The following MCPH1 variants were observed in gnomAD, a reference collection of about 807,000 sequenced individuals.
The protein encoded by MCPH1 is microcephalin 1.
A neutral mutation model predicts 84.5 loss-of-function variants in MCPH1; 104 were observed. The ratio of observed to expected loss-of-function variants is 1.23; its 90% CI spans 1.05 to 1.45. The LOEUF is 1.45. Ranked by LOEUF, MCPH1 falls within the 40% of genes most tolerant of loss-of-function variation. The pLI, the probability that MCPH1 is intolerant of heterozygous loss-of-function variation, is 0.00. For synonymous variants in MCPH1, 514 were observed against 366.8 expected, an observed-to-expected ratio of 1.40 and a Z score of -4.58; for missense variants, 1,498 against 1,005.7, an observed-to-expected ratio of 1.49 and a Z score of -6.62.
At chr8:6,637,998 C>T (rs1797681029) in intron 13 of MCPH1, among the ~76,000 whole-genome samples, 1 of 152,168 alleles carries the variant, frequency 6.6e-6, no homozygotes. Flanking sequence ...CAGAATGAGG[C>T]ATCTAGAAGC....
intron 12 of MCPH1, among the ~76,000 whole-genome samples, chr8:6,517,614 T>C (rs1183969558): frequency 2.0e-5 from 3 of 152,192 alleles, no homozygotes; most frequent in Non-Finnish European, 2.9e-5. Flanking sequence ...TGTCTGGTAG[T>C]CTTTGAAGGC....
At chr8:6,521,002 A>G (rs1397624758) in intron 12 of MCPH1, among the ~76,000 whole-genome samples, 2 of 152,126 alleles carry the variant, frequency 1.3e-5, no homozygotes, top group East Asian at 3.8e-4. Context: ...GCTTCATAAT[A>G]ATTAGTATAA....
At position 6,418,823 on chromosome 8, in the gene MCPH1, G is replaced by A. The variant is rs956580212; in HGVS notation, c.233+3940G>A. Reference sequence around the variant, plus strand: ...TCCTGATCTTCTGACCTCGTGATCTGCCTGCCTCAGCCTCCCAAAGTACTG... The same window carrying A: ...TCCTGATCTTCTGACCTCGTGATCTACCTGCCTCAGCCTCCCAAAGTACTG... On this transcript the variant is annotated intron_variant, in intron 3 of 13. Transcript: ENST00000344683. 2.0e-5 allele frequency among the ~76,000 whole-genome samples: 3 copies of A among 151,954 alleles called. No homozygotes were observed. In the East Asian group the frequency reaches 5.8e-4, roughly 29 times the overall value.
rs137864623 is a variant in MCPH1, at chr8:6,596,515, G to A, written c.2215-24939G>A. On this transcript the variant is annotated intron_variant, in intron 12 of 13. Coordinates refer to ENST00000344683, the MANE Select transcript of MCPH1 (RefSeq NM_024596.5). The stretch of plus-strand genomic sequence containing the variant: ...ACATGGCAGCCAAGGGGACCTGGCC[G>A]CCAGAGCCGTAGGAGATGACCCAGC... 1.7e-4 allele frequency among the ~76,000 whole-genome samples: 26 copies of A among 152,266 alleles called. No individual in the cohort carries two copies. The East Asian group carries it at 2.7e-3, about 16-fold the overall frequency.
intron 13 of MCPH1, among the ~76,000 whole-genome samples, chr8:6,642,113 C>G (rs1257553251): frequency 6.6e-6 from 1 of 152,170 alleles, no homozygotes; most frequent in East Asian, 1.9e-4. Flanking sequence ...AGCTTTCCAC[C>G]TTCCATCACT....
At chr8:6,469,063 G>T (rs1305468619) in intron 9 of MCPH1, among the ~76,000 whole-genome samples, 1 of 151,954 alleles carries the variant, frequency 6.6e-6, no homozygotes, top group African/African-American at 2.4e-5. Context: ...TGGACATGAT[G>T]GTGGCCACCT....
chr8:6,495,642 TAATA>T (rs1188112914), intron 11 of MCPH1, among the ~76,000 whole-genome samples: 1 of 152,198 alleles, frequency 6.6e-6, no homozygotes, highest in Non-Finnish European at 1.5e-5. Flanking sequence ...GTTACGCTTA[TAATA>T]AATAATGTGT....
In MCPH1 at chr8:6,514,686, T is replaced by C. The variant is rs1815892804; in HGVS notation, c.2214+14757T>C. ...TAAAGAATGTCCTTACCACTTTATA[T>C]TCTTTCCAAGTCCTCTGAAAATCAA... is the stretch of plus-strand genomic sequence containing the variant. On this transcript the variant is annotated intron_variant, in intron 12 of 13. Transcript: ENST00000344683. The C allele has an allele frequency of 1.9e-6, 3 of 1,614,058 alleles. No individual in the cohort carries two copies. The African/African-American group carries it at 4.0e-5, about 22-fold the overall frequency.
chr8:6,447,943 C>T (rs1187719473), intron 8 of MCPH1, among the ~76,000 whole-genome samples: 1 of 151,972 alleles, frequency 6.6e-6, no homozygotes, highest in Non-Finnish European at 1.5e-5. Flanking sequence ...CAGATACATT[C>T]CCATTGTAAC....
chr8:6,634,336 G>C (rs187775565), intron 13 of MCPH1, among the ~76,000 whole-genome samples: 6 of 152,324 alleles, frequency 3.9e-5, no homozygotes, highest in African/African-American at 1.2e-4. Context: ...ACTCATTGAC[G>C]AGTTTGCCAA....
intron 13 of MCPH1, among the ~76,000 whole-genome samples, chr8:6,638,632 G>C (rs972983260): frequency 1.3e-5 from 2 of 151,466 alleles, no homozygotes; most frequent in South Asian, 4.2e-4. Flanking sequence ...AGCTGCTCAA[G>C]GGCAGTTCAG....
chr8:6,543,851 A>G (rs1190646117), intron 12 of MCPH1, among the ~76,000 whole-genome samples: 3 of 152,188 alleles, frequency 2.0e-5, no homozygotes, highest in Non-Finnish European at 4.4e-5. Flanking sequence ...ATGGACTTTA[A>G]GGAGCTGTAC....
intron 12 of MCPH1, among the ~76,000 whole-genome samples, chr8:6,605,566 A>G (rs1206589608): frequency 6.6e-6 from 1 of 152,278 alleles, no homozygotes; most frequent in Non-Finnish European, 1.5e-5. Flanking sequence ...TTGAGTAGCC[A>G]GACCACATAG....
At position 6,505,302 on chromosome 8, in the gene MCPH1, TG is replaced by T. The variant is rs1221415075; in HGVS notation, c.2214+5374del. Among the ~76,000 whole-genome samples the T allele has an allele frequency of 3.4e-3, 151 of 44,934 alleles. 18 individuals are homozygous for T. The highest frequency in any genetic ancestry group is 0.019 in the African/African-American group (137 of 7,228). 29.5% of individuals were successfully genotyped at this position (44,934 alleles called of 152,430 possible). A position where few individuals can be genotyped will look rare whatever the true frequency, so the allele number is the denominator to read the frequency against. On this transcript the variant is annotated intron_variant, in intron 12 of 13. Transcript: ENST00000344683. ...CATATATATGTTATATACATATATA[TG>T]TATATAACATATATATGTTATATAC...
At chr8:6,493,167 CT>C (rs2129561397) in intron 11 of MCPH1, among the ~76,000 whole-genome samples, 1 of 152,308 alleles carries the variant, frequency 6.6e-6, no homozygotes, top group East Asian at 1.9e-4. Flanking sequence ...GATGTTTGGA[CT>C]TCACATGTGA....
chr8:6,466,684 T>C (rs573931039), intron 9 of MCPH1, among the ~76,000 whole-genome samples: 9 of 152,030 alleles, frequency 5.9e-5, no homozygotes, highest in African/African-American at 1.9e-4. Context: ...CGTGATTCTC[T>C]CACCTCGGCC....
chr8:6,418,813 C>A (rs1281830684), intron 3 of MCPH1, among the ~76,000 whole-genome samples: 2 of 152,038 alleles, frequency 1.3e-5, no homozygotes, highest in African/African-American at 2.4e-5. Context: ...ATCTTCTGAC[C>A]TCGTGATCTG....
intron 12 of MCPH1, among the ~76,000 whole-genome samples, chr8:6,576,807 C>A (rs573113827): frequency 4.4e-4 from 64 of 147,064 alleles, no homozygotes; most frequent in Non-Finnish European, 7.7e-4. Context: ...AGGTGAGCCA[C>A]CCGCCTCGGC....
chr8:6,562,616 G>A, intron 12 of MCPH1: 3 of 1,197,470 alleles, frequency 2.5e-6, no homozygotes, highest in South Asian at 1.7e-5. Flanking sequence ...TTAATAGCAT[G>A]TTCACAAAGA....
Sources: allele counts gnomAD v4.1 joint callset (sites outside exome capture counted in the v4.1 genomes callset), GRCh38; gene constraint gnomAD v4.1.1; transcripts MANE v1.5; gene names NCBI Gene and HGNC (gene_info 2026-07-23, HGNC 2026-07-21).